GALNT17: variants seen among roughly 807,000 people sequenced by gnomAD.
GALNT17 encodes polypeptide N-acetylgalactosaminyltransferase 17.
GALNT17 carries 29 observed loss-of-function variants against 63.7 expected under a neutral mutation model. The ratio of observed to expected loss-of-function variants is 0.46; its 90% confidence interval spans 0.34 to 0.62. The LOEUF is 0.62. GALNT17 is among the 20% of genes least tolerant of loss of function. The probability of loss-of-function intolerance (pLI) is 0.01; values close to 1 mark genes in which losing one functional copy is unlikely to be tolerated. For missense variants in GALNT17, 603 were observed against 799.6 expected (o/e 0.75, Z 2.97); for synonymous variants, 305 against 318.3 (o/e 0.96, Z 0.45).
chr7:71,356,499 G>C (rs564754043), intron 2 of GALNT17, among the ~76,000 whole-genome samples: 2 of 152,302 alleles, frequency 1.3e-5, no homozygotes, highest in Non-Finnish European at 2.9e-5. Context: ...TCTCAGAGGA[G>C]GGTGAAGGGG....
At chr7:71,450,931 CT>C (rs5884839) in intron 5 of GALNT17, among the ~76,000 whole-genome samples, 109,435 of 147,400 alleles carry the variant, frequency 0.74, 40,505 homozygotes, top group Admixed American at 0.76. Flanking sequence ...TTTTTTTATT[CT>C]TTTTTTTTTT....
intron 6 of GALNT17, 73 bp from the exon 7 acceptor site, chr7:71,665,338 C>T (rs551836415): frequency 6.8e-7 from 1 of 1,474,570 alleles, no homozygotes; most frequent in Non-Finnish European, 9.2e-7. Flanking sequence ...TGAACCATTG[C>T]TTTTGGGCTT....
intron 9 of GALNT17, among the ~76,000 whole-genome samples, chr7:71,709,585 T>TTTG (rs1345687059): frequency 1.4e-5 from 2 of 147,066 alleles, no homozygotes; most frequent in East Asian, 3.9e-4. Context: ...TGGGTTTTTT[T>TTTG]TTTTGTTTTT....
intron 5 of GALNT17, among the ~76,000 whole-genome samples, chr7:71,488,222 C>A (rs113957908): frequency 6.7e-6 from 1 of 149,644 alleles, no homozygotes; most frequent in Admixed American, 6.7e-5. Flanking sequence ...TTAGACAGTG[C>A]GCCCAAGAAC....
chr7:71,232,584 A>C (rs982403417), intron 1 of GALNT17, among the ~76,000 whole-genome samples: 2 of 152,170 alleles, frequency 1.3e-5, no homozygotes, highest in East Asian at 1.9e-4. Flanking sequence ...GGCTTTGCTC[A>C]GGAAAGAATT....
intron 6 of GALNT17, among the ~76,000 whole-genome samples, chr7:71,645,020 G>A (rs1215859305): frequency 6.6e-6 from 1 of 152,168 alleles, no homozygotes; most frequent in East Asian, 1.9e-4. Flanking sequence ...AAAGAGGATG[G>A]AGAATGCACA....
intron 5 of GALNT17, among the ~76,000 whole-genome samples, chr7:71,432,722 C>G (rs2116491823): frequency 6.6e-6 from 1 of 152,334 alleles, no homozygotes; most frequent in African/African-American, 2.4e-5. Flanking sequence ...AATCTTAGCA[C>G]TTTGGGAGGC....
intron 1 of GALNT17, among the ~76,000 whole-genome samples, chr7:71,172,017 C>G (rs1368401476): frequency 6.6e-6 from 1 of 151,978 alleles, no homozygotes; most frequent in African/African-American, 2.4e-5. Context: ...TCTTGGGTTA[C>G]CTGGGGGTGG....
rs144825990 is a variant in GALNT17, at chr7:71,563,478, G to C, written c.963-7807G>C. Among the ~76,000 whole-genome samples the C allele has an allele frequency of 2.2e-4, 34 of 152,362 alleles. No homozygotes were observed. The East Asian group carries it at 3.7e-3, about 16-fold the overall frequency. On this transcript the variant is annotated intron_variant, in intron 5 of 10. Transcript: ENST00000333538. Reference sequence around the variant, plus strand: ...CCTCCCCAGTCAGAGGACAAGGACAGCTCCTCGTTTATCAGTCCAGGCAGG... The same window carrying C: ...CCTCCCCAGTCAGAGGACAAGGACACCTCCTCGTTTATCAGTCCAGGCAGG...
Position 71,387,213 on chromosome 7 carries a change from G to A in GALNT17, c.423-1022G>A, listed in dbSNP as rs565143101. 1.3e-3 allele frequency among the ~76,000 whole-genome samples: 135 copies of A among 101,752 alleles called. No individual in the cohort carries two copies. In the Middle Eastern group the frequency reaches 0.014, roughly 10 times the overall value. 66.8% of individuals were successfully genotyped at this position (101,752 alleles called of 152,430 possible). On this transcript the variant is annotated intron_variant, in intron 2 of 10. Transcript: ENST00000333538. ...TAGGTTGGTGCAAAAGTAATTGAGG[G>A]TTTTGCCATTACTTTTAATGGCAAA... is the stretch of plus-strand genomic sequence containing the variant.
intron 5 of GALNT17, among the ~76,000 whole-genome samples, chr7:71,479,086 C>T (rs1787771572): frequency 6.6e-6 from 1 of 152,156 alleles, no homozygotes; most frequent in African/African-American, 2.4e-5. Flanking sequence ...CTTCACTGCT[C>T]CCACCTCCTC....
intron 5 of GALNT17, among the ~76,000 whole-genome samples, chr7:71,533,742 A>G (rs1397719617): frequency 6.6e-6 from 1 of 152,164 alleles, no homozygotes; most frequent in African/African-American, 2.4e-5. Flanking sequence ...AAAGCCAATC[A>G]CTGAAACAAT....
chr7:71,415,851 C>G (rs1793513864), intron 3 of GALNT17, 38 bp from the exon 4 acceptor site: 1 of 1,517,384 alleles, frequency 6.6e-7, no homozygotes, highest in African/African-American at 1.4e-5. Flanking sequence ...TTTGAAATGA[C>G]ATGTTTATAG....
At chr7:71,199,399 C>G (rs115101940) in intron 1 of GALNT17, among the ~76,000 whole-genome samples, 2,156 of 152,134 alleles carry the variant, frequency 0.014, 60 homozygotes, top group African/African-American at 0.05. Flanking sequence ...GATTTCTAAC[C>G]GTCCATCATC....
At chr7:71,272,221 C>T (rs10950254) in intron 1 of GALNT17, among the ~76,000 whole-genome samples, 76,639 of 152,048 alleles carry the variant, frequency 0.5, 19,757 homozygotes, top group Non-Finnish European at 0.54. Context: ...AAGTAATTTC[C>T]GAAGTATGGA....
chr7:71,389,745 C>T (rs1402864977), intron 3 of GALNT17, among the ~76,000 whole-genome samples: 2 of 152,148 alleles, frequency 1.3e-5, no homozygotes, highest in Non-Finnish European at 2.9e-5. Flanking sequence ...TAAAAAATTC[C>T]ATCCCGTGTT....
At chr7:71,233,207 T>G (rs1488977434) in intron 1 of GALNT17, among the ~76,000 whole-genome samples, 1 of 152,186 alleles carries the variant, frequency 6.6e-6, no homozygotes, top group Admixed American at 6.5e-5. Flanking sequence ...GTGTGGAGTC[T>G]ATGAGTTATT....
At chr7:71,497,253 A>G (rs1788111368) in intron 5 of GALNT17, among the ~76,000 whole-genome samples, 1 of 152,162 alleles carries the variant, frequency 6.6e-6, no homozygotes, top group African/African-American at 2.4e-5. Flanking sequence ...GCCATAACAC[A>G]CATTGTGCAA....
In GALNT17 at chr7:71,388,452, T is replaced by C. The variant is rs1419337207; in HGVS notation, c.589+51T>C. The C allele has an allele frequency of 3.2e-6, 5 of 1,575,530 alleles. No individual in the cohort carries two copies. In the East Asian group the frequency reaches 9.1e-5, roughly 29 times the overall value. On this transcript the variant is annotated intron_variant, in intron 3 of 10. Coordinates refer to ENST00000333538, the MANE Select transcript of GALNT17 (RefSeq NM_022479.3). ...AGGACATGATGACAGCAGGGGGAAA[T>C]GCCACTTTCATTCCAACGCGAGCCC...
Sources: allele counts gnomAD v4.1 joint callset (sites outside exome capture counted in the v4.1 genomes callset), GRCh38; gene constraint gnomAD v4.1.1; transcripts MANE v1.5; gene names NCBI Gene and HGNC (gene_info 2026-07-23, HGNC 2026-07-21).